Variants in SPEF2 observed in about 807,000 individuals in gnomAD.
The protein encoded by SPEF2 is sperm flagellar and cilia associated 2, also known as sperm flagella and cilia-associated protein 2.
Under a neutral mutation model 224.6 loss-of-function variants are expected in SPEF2, and 187 were observed. That is an observed-to-expected ratio of 0.83 (90% CI 0.74 to 0.94). The LOEUF is 0.94. SPEF2 is among the 40% of genes least tolerant of loss of function. The probability of loss-of-function intolerance (pLI) is 0.00; values close to 1 mark genes in which losing one functional copy is unlikely to be tolerated. For synonymous variants in SPEF2, 715 were observed against 707.3 expected, an observed-to-expected ratio of 1.01 and a Z score of -0.17; for missense variants, 2,170 against 2,135.6, an observed-to-expected ratio of 1.02 and a Z score of -0.32.
chr5:35,751,440 C>A (rs1196553664), intron 23 of SPEF2, among the ~76,000 whole-genome samples: 1 of 151,194 alleles, frequency 6.6e-6, no homozygotes, highest in Non-Finnish European at 1.5e-5. Context: ...TACCCAAATA[C>A]CACCCGTACC....
intron 36 of SPEF2, among the ~76,000 whole-genome samples, chr5:35,809,325 A>G (rs1173364065): frequency 1.3e-5 from 2 of 152,350 alleles, no homozygotes; most frequent in Non-Finnish European, 2.9e-5. Context: ...TTTTACATGC[A>G]GGAATTGCAA....
intron 19 of SPEF2, chr5:35,710,163 A>G: frequency 3.0e-6 from 3 of 985,112 alleles, no homozygotes; most frequent in Non-Finnish European, 3.6e-6. Context: ...ACACAAAGAC[A>G]TGAATTAAAC....
chr5:35,784,729 C>T (rs1754862372), intron 30 of SPEF2, among the ~76,000 whole-genome samples: 1 of 151,828 alleles, frequency 6.6e-6, no homozygotes, highest in Admixed American at 6.5e-5. Flanking sequence ...GGAGGTGGGA[C>T]CACAGAGAGC....
chr5:35,636,091 G>T (rs1033796754), intron 2 of SPEF2, among the ~76,000 whole-genome samples: 20 of 151,990 alleles, frequency 1.3e-4, no homozygotes, highest in African/African-American at 4.8e-4. Context: ...GTTTGTTGTT[G>T]TTGCTGCTGC....
chr5:35,685,543 G>T (rs371479860), intron 10 of SPEF2, among the ~76,000 whole-genome samples: 30 of 152,126 alleles, frequency 2.0e-4, no homozygotes, highest in East Asian at 7.7e-4. Context: ...CTTACTTCAA[G>T]TTATTTAAAT....
chr5:35,756,388 G>T (rs1198210735), intron 24 of SPEF2, among the ~76,000 whole-genome samples: 1 of 152,184 alleles, frequency 6.6e-6, no homozygotes, highest in Non-Finnish European at 1.5e-5. Context: ...TGTTCAAATA[G>T]TTGAAAGTTT....
intron 25 of SPEF2, among the ~76,000 whole-genome samples, chr5:35,763,140 G>C (rs970434695): frequency 1.3e-5 from 2 of 152,122 alleles, no homozygotes; most frequent in African/African-American, 4.8e-5. Context: ...GTGATGCCCA[G>C]TTTCGTTTGG....
intron 5 of SPEF2, among the ~76,000 whole-genome samples, chr5:35,648,924 G>A (rs1747791642): frequency 6.6e-6 from 1 of 150,806 alleles, no homozygotes; most frequent in South Asian, 2.1e-4. Flanking sequence ...TGAGGCAGAA[G>A]AATCACTTGA....
At position 35,691,100 on chromosome 5, in the gene SPEF2, T is replaced by G. The variant is rs373564223; in HGVS notation, c.1588T>G (p.Cys530Gly). The G allele has an allele frequency of 9.2e-5, 148 of 1,614,018 alleles. No individual in the cohort carries two copies. The highest frequency in any genetic ancestry group is 1.2e-4 in the Non-Finnish European group (145 of 1,179,996). ...MVDNLPPSNN[C>G]ILGHILHRLA... ...TGACAATTTACCACCCTCCAACAAT[T>G]GCATACTGGGCCATATTCTTCACAG... Residue 530 changes from cysteine to glycine, a missense_variant, in exon 11 of 37, where the codon TGC (cysteine) becomes GGC (glycine). Physicochemically the swap from Cys to Gly is radical, Grantham distance 159. Transcript: ENST00000356031.
chr5:35,718,367 C>T (rs982732267), intron 20 of SPEF2, among the ~76,000 whole-genome samples: 1 of 152,062 alleles, frequency 6.6e-6, no homozygotes, highest in African/African-American at 2.4e-5. Context: ...AAAAGTAGCA[C>T]CTTTTAAAGG....
chr5:35,630,742 G>GTC (rs954297982), intron 2 of SPEF2, among the ~76,000 whole-genome samples: 2 of 151,948 alleles, frequency 1.3e-5, no homozygotes, highest in Admixed American at 1.3e-4. Flanking sequence ...ACCCTAAATC[G>GTC]TCTCTCTCTC....
At chr5:35,718,787 C>T (rs6870755) in intron 20 of SPEF2, among the ~76,000 whole-genome samples, 112,729 of 152,060 alleles carry the variant, frequency 0.74, 42,295 homozygotes, top group Middle Eastern at 0.83. Context: ...CTCAGTTTTG[C>T]TGTGCCTTTT....
Position 35,641,449 on chromosome 5 carries a change from TAATA to T in SPEF2, c.182_185del (p.Asn61IlefsTer51). 6.2e-7 allele frequency: 1 copy of T among 1,613,046 alleles called. No homozygotes were observed. Among genetic ancestry groups the T allele is most frequent in the Non-Finnish European group, 8.5e-7 (1 of 1,179,528 alleles). Reference sequence around the variant, plus strand: ...TGTCCAGGGTTTCAAGTGCCAAACTTAATAATTTTTCTCGCTTGGAGCCAACACT... The same window carrying T: ...TGTCCAGGGTTTCAAGTGCCAAACTTATTTTTCTCGCTTGGAGCCAACACT... On this transcript the variant is annotated frameshift_variant, in exon 3 of 37. Transcript: ENST00000356031. LOFTEE classifies it high-confidence loss of function.
At chr5:35,729,653 G>T (rs1580479008) in intron 21 of SPEF2, among the ~76,000 whole-genome samples, 1 of 152,112 alleles carries the variant, frequency 6.6e-6, no homozygotes, top group African/African-American at 2.4e-5. Flanking sequence ...GAACTGCCGA[G>T]TTTACCTGCT....
At chr5:35,673,939 G>T (rs1227610834) in intron 10 of SPEF2, among the ~76,000 whole-genome samples, 1 of 152,058 alleles carries the variant, frequency 6.6e-6, no homozygotes, top group Non-Finnish European at 1.5e-5. Context: ...TTCCACCAAA[G>T]AATAGAAATA....
intron 24 of SPEF2, 114 bp from the exon 25 acceptor site, chr5:35,759,454 A>C (rs1406238713): frequency 3.1e-5 from 29 of 949,644 alleles, no homozygotes; most frequent in Non-Finnish European, 4.1e-5. Context: ...ATTTCCAGAA[A>C]ATTATTTTCA....
chr5:35,725,531 A>G (rs964042019), intron 20 of SPEF2, among the ~76,000 whole-genome samples: 2 of 152,250 alleles, frequency 1.3e-5, no homozygotes, highest in African/African-American at 2.4e-5. Context: ...AGGAAGGCCA[A>G]TTTAATTTGA....
chr5:35,660,771 C>T (rs1749585447), intron 8 of SPEF2, among the ~76,000 whole-genome samples: 1 of 152,114 alleles, frequency 6.6e-6, no homozygotes, highest in Admixed American at 6.5e-5. Flanking sequence ...TTCACAAGCT[C>T]AGCTAAATAG....
At chr5:35,769,794 A>T (rs1752541461) in intron 26 of SPEF2, among the ~76,000 whole-genome samples, 1 of 152,104 alleles carries the variant, frequency 6.6e-6, no homozygotes, top group African/African-American at 2.4e-5. Flanking sequence ...CAAAACTGTA[A>T]TAGTCTTTGA....
Sources: gnomAD v4.1 joint callset for allele counts (sites outside exome capture counted in the v4.1 genomes callset) on GRCh38, gnomAD v4.1.1 for gene constraint, MANE v1.5 for transcripts, NCBI Gene and HGNC (gene_info 2026-07-23, HGNC 2026-07-21) for gene names.